MEI4: variants seen among roughly 807,000 people sequenced by gnomAD.
MEI4 encodes meiosis-specific protein MEI4.
MEI4 carries 27 observed loss-of-function variants against 31.4 expected under a neutral mutation model. The observed-to-expected ratio is 0.86, with a 90% CI of 0.63 to 1.19. MEI4 has a LOEUF of 1.19. Among genes scored for constraint, MEI4 ranks in the 50% most tolerant of loss-of-function variants. MEI4 has a pLI of 0.00. For missense variants in MEI4, 329 were observed against 398.9 expected (o/e 0.82, Z 1.49); for synonymous variants, 122 against 145.4 (o/e 0.84, Z 1.16).
chr6:77,873,669 A>C (rs1448463476), intron 4 of MEI4, among the ~76,000 whole-genome samples: 1 of 152,174 alleles, frequency 6.6e-6, no homozygotes, highest in Non-Finnish European at 1.5e-5. Flanking sequence ...TTACACATGA[A>C]GTCCTTTCCC....
At chr6:77,814,542 C>G (rs1451801378) in intron 3 of MEI4, among the ~76,000 whole-genome samples, 2 of 151,998 alleles carry the variant, frequency 1.3e-5, no homozygotes, top group African/African-American at 4.8e-5. Flanking sequence ...ACTCAGGATC[C>G]CAATTCACTA....
intron 2 of MEI4, among the ~76,000 whole-genome samples, chr6:77,714,355 T>C (rs565701362): frequency 6.6e-6 from 1 of 152,340 alleles, no homozygotes; most frequent in South Asian, 2.1e-4. Flanking sequence ...CTTTATAACA[T>C]GAATGTCTGA....
At chr6:77,864,269 A>G (rs1417563171) in intron 4 of MEI4, among the ~76,000 whole-genome samples, 1 of 152,212 alleles carries the variant, frequency 6.6e-6, no homozygotes, top group Non-Finnish European at 1.5e-5. Context: ...TGCTCCAAAT[A>G]AAAGACACAG....
chr6:77,712,693 CG>C (rs1561954737), intron 2 of MEI4, among the ~76,000 whole-genome samples: 1 of 152,016 alleles, frequency 6.6e-6, no homozygotes, highest in African/African-American at 2.4e-5. Flanking sequence ...AAAAGGAGGC[CG>C]GGTGCGGTGG....
intron 4 of MEI4, among the ~76,000 whole-genome samples, chr6:77,846,181 C>T (rs746582461): frequency 5.3e-5 from 8 of 151,846 alleles, no homozygotes; most frequent in African/African-American, 1.7e-4. Flanking sequence ...GGTGCAATCT[C>T]GTCTCACTGC....
intron 4 of MEI4, among the ~76,000 whole-genome samples, chr6:77,919,192 T>C (rs1337569832): frequency 1.3e-5 from 2 of 151,836 alleles, no homozygotes; most frequent in Admixed American, 6.6e-5. Flanking sequence ...CAACAGAATA[T>C]ACATTTTTTT....
At chr6:77,699,995 A>C (rs1042831823) in intron 2 of MEI4, among the ~76,000 whole-genome samples, 2 of 152,210 alleles carry the variant, frequency 1.3e-5, no homozygotes, top group African/African-American at 2.4e-5. Context: ...GTGAGGTGTC[A>C]GTCTGCCCCT....
At chr6:77,777,257 C>G (rs1359661154) in intron 3 of MEI4, among the ~76,000 whole-genome samples, 1 of 151,962 alleles carries the variant, frequency 6.6e-6, no homozygotes, top group African/African-American at 2.4e-5. Flanking sequence ...AAAACAGAAC[C>G]ACAAAGGAGA....
chr6:77,873,528 C>G (rs144537909), intron 4 of MEI4, among the ~76,000 whole-genome samples: 1 of 152,088 alleles, frequency 6.6e-6, no homozygotes, highest in Non-Finnish European at 1.5e-5. Flanking sequence ...GAGTACGTTG[C>G]GAAAATTTTC....
chr6:77,758,318 T>C (rs921958545), intron 2 of MEI4, among the ~76,000 whole-genome samples: 2 of 152,206 alleles, frequency 1.3e-5, no homozygotes, highest in Non-Finnish European at 2.9e-5. Context: ...GTTGTAGTGA[T>C]AATTAGCAAG....
At chr6:77,716,965 A>C (rs980821014) in intron 2 of MEI4, 1 of 394,908 alleles carries the variant, frequency 2.5e-6, no homozygotes, top group Non-Finnish European at 3.4e-6. Context: ...GGTTGCCCCT[A>C]CACACCTGTG....
intron 3 of MEI4, among the ~76,000 whole-genome samples, chr6:77,816,494 T>C (rs1040482438): frequency 3.9e-5 from 6 of 152,192 alleles, no homozygotes; most frequent in African/African-American, 1.4e-4. Flanking sequence ...GGCCGCATAG[T>C]ATTCCACAGT....
chr6:77,923,053 C>A (rs4598029), intron 4 of MEI4, 36 bp from the exon 5 acceptor site: 24 of 1,210,538 alleles, frequency 2.0e-5, no homozygotes, highest in Non-Finnish European at 2.5e-5. Flanking sequence ...GTAATTTATA[C>A]CCAATTTTTT....
intron 3 of MEI4, among the ~76,000 whole-genome samples, chr6:77,809,294 A>G (rs1324367539): frequency 6.6e-6 from 1 of 152,188 alleles, no homozygotes; most frequent in Non-Finnish European, 1.5e-5. Context: ...GGATTTACTT[A>G]GTTTATTTAA....
At chr6:77,713,080 G>A (rs549249272) in intron 2 of MEI4, among the ~76,000 whole-genome samples, 4 of 152,096 alleles carry the variant, frequency 2.6e-5, no homozygotes, top group African/African-American at 9.6e-5. Context: ...ATAAGAAAAA[G>A]TGGCTTTTAG....
At position 77,905,475 on chromosome 6, in the gene MEI4, C is replaced by CT. The variant is rs70974691; in HGVS notation, c.901-17575dup. ...TTCTATAGATTGTATAAATTTTCAGCTTTTTTTTTTTTTTTTTTTTTTTTT... is the reference window on the plus strand; with the variant it reads ...TTCTATAGATTGTATAAATTTTCAGCTTTTTTTTTTTTTTTTTTTTTTTTTT... On this transcript the variant is annotated intron_variant, in intron 4 of 4. Coordinates refer to ENST00000684080, the MANE Select transcript of MEI4 (RefSeq NM_001322247.2). 4.2e-4 allele frequency among the ~76,000 whole-genome samples: 39 copies of CT among 93,348 alleles called. 3 individuals carry two copies. Among genetic ancestry groups the CT allele is most frequent in the Non-Finnish European group, 6.7e-4 (32 of 47,588 alleles). 61.2% of individuals were successfully genotyped at this position (93,348 alleles called of 152,430 possible). A position where few individuals can be genotyped will look rare whatever the true frequency, so the allele number is the denominator to read the frequency against.
chr6:77,706,899 C>G (rs1008743033), intron 2 of MEI4, among the ~76,000 whole-genome samples: 1 of 152,090 alleles, frequency 6.6e-6, no homozygotes, highest in South Asian at 2.1e-4. Context: ...TATAGAACCA[C>G]GAACCAAATA....
At position 77,920,629 on chromosome 6, in the gene MEI4, A is replaced by G. The variant is rs7763141; in HGVS notation, c.901-2460A>G. 1.8e-3 allele frequency among the ~76,000 whole-genome samples: 266 copies of G among 151,990 alleles called. 3 individuals are homozygous for G. The highest frequency in any genetic ancestry group is 6.1e-3 in the African/African-American group (254 of 41,520). On this transcript the variant is annotated intron_variant, in intron 4 of 4. Transcript: ENST00000684080. ...AAGGTTTCCAATTTACTTTGCCCAT[A>G]TTCATCAGAGGAATCAATATCCATG...
At chr6:77,671,309 C>G (rs1280236321) in intron 1 of MEI4, among the ~76,000 whole-genome samples, 2 of 151,986 alleles carry the variant, frequency 1.3e-5, no homozygotes, top group African/African-American at 4.8e-5. Context: ...ATCTGCCTTC[C>G]CTGGCCTCCC....
Sources: allele counts gnomAD v4.1 joint callset (sites outside exome capture counted in the v4.1 genomes callset), GRCh38; gene constraint gnomAD v4.1.1; transcripts MANE v1.5; gene names NCBI Gene and HGNC (gene_info 2026-07-23, HGNC 2026-07-21).